The following CALN1 variants were observed in gnomAD, a reference collection of about 807,000 sequenced individuals.
The protein encoded by CALN1 is calcium-binding protein 8.
In CALN1, 17 loss-of-function variants were observed where a neutral mutation model predicts 30.6. The observed-to-expected ratio is 0.56, with a 90% CI of 0.38 to 0.83. CALN1 has a LOEUF of 0.83. Among genes scored for constraint, CALN1 ranks in the 40% least tolerant of loss-of-function variants. CALN1 has a pLI of 0.00. For missense variants in CALN1, 291 were observed against 354.9 expected (o/e 0.82, Z 1.45); for synonymous variants, 156 against 131.4 (o/e 1.19, Z -1.28).
intron 3 of CALN1, among the ~76,000 whole-genome samples, chr7:72,178,667 C>T (rs1040460001): frequency 4.7e-5 from 7 of 148,678 alleles, no homozygotes; most frequent in South Asian, 2.1e-4. Flanking sequence ...CCAGCCCAGA[C>T]GACAGAGAGA....
intron 5 of CALN1, among the ~76,000 whole-genome samples, chr7:71,915,728 G>A (rs951605770): frequency 3.4e-5 from 5 of 147,274 alleles, no homozygotes; most frequent in African/African-American, 5.1e-5. Flanking sequence ...GCGAGACTCC[G>A]TCTCAAAACA....
At chr7:72,467,881 C>A in the CALN1 span, among the ~76,000 whole-genome samples, 1 of 152,140 alleles carries the variant, frequency 6.6e-6, no homozygotes, top group Non-Finnish European at 1.5e-5. Flanking sequence ...CTTCCCGTTC[C>A]CCTCTACCCC....
Position 72,403,401 on chromosome 7 carries a change from T to A in CALN1, c.-32A>T. On this transcript the variant is annotated 5_prime_UTR_variant, in exon 2 of 7. An upstream open reading frame in the 5' UTR loses its in-frame stop. Coordinates refer to ENST00000395275, the MANE Select transcript of CALN1 (RefSeq NM_031468.4). Reference sequence around the variant, plus strand: ...TCCAGGGCGATGTTCTCAGAGAGAGTTAGAAGCTCATCAAAGGAACGTCAG... The same window carrying A: ...TCCAGGGCGATGTTCTCAGAGAGAGATAGAAGCTCATCAAAGGAACGTCAG... The A allele has an allele frequency of 6.6e-7, 1 of 1,510,322 alleles. No homozygotes were observed. The highest frequency in any genetic ancestry group is 8.9e-7 in the Non-Finnish European group (1 of 1,122,536). The allele number at this position is 1,510,322 out of a possible 1,614,324, so 93.6% of individuals were successfully genotyped here.
the CALN1 span, among the ~76,000 whole-genome samples, chr7:72,501,604 G>C: frequency 6.6e-6 from 1 of 150,596 alleles, no homozygotes; most frequent in Non-Finnish European, 1.5e-5. Context: ...TAGGAGTTAT[G>C]AATTGAATGG....
intron 2 of CALN1, among the ~76,000 whole-genome samples, chr7:72,303,800 AG>A (rs2129555821): frequency 6.6e-6 from 1 of 152,162 alleles, no homozygotes; most frequent in South Asian, 2.1e-4. Context: ...CCTTGAGCCC[AG>A]GAGATCAAGG....
At chr7:72,008,121 A>G (rs1041806822) in intron 5 of CALN1, among the ~76,000 whole-genome samples, 1 of 152,228 alleles carries the variant, frequency 6.6e-6, no homozygotes, top group Non-Finnish European at 1.5e-5. Flanking sequence ...CAAGCAATCT[A>G]TTCAATTACC....
chr7:72,016,598 C>T (rs1800392741), intron 5 of CALN1, among the ~76,000 whole-genome samples: 1 of 151,750 alleles, frequency 6.6e-6, no homozygotes, highest in Non-Finnish European at 1.5e-5. Context: ...CACCATGCCT[C>T]GCTAATTTTT....
chr7:72,279,868 A>G (rs2129554136), intron 2 of CALN1, among the ~76,000 whole-genome samples: 1 of 152,364 alleles, frequency 6.6e-6, no homozygotes, highest in Non-Finnish European at 1.5e-5. Context: ...ACCTCTGAGC[A>G]GAATTAGGGC....
intron 5 of CALN1, among the ~76,000 whole-genome samples, chr7:72,021,778 T>C (rs1468212946): frequency 1.3e-5 from 2 of 152,296 alleles, no homozygotes; most frequent in Non-Finnish European, 2.9e-5. Flanking sequence ...TGAATCTCAA[T>C]CCGGTGTTCC....
At chr7:72,493,896 A>G in the CALN1 span, among the ~76,000 whole-genome samples, 41 of 152,214 alleles carry the variant, frequency 2.7e-4, no homozygotes, top group Non-Finnish European at 5.1e-4. Flanking sequence ...CTCATCATGT[A>G]TAAGTCTAGG....
At chr7:72,415,830 C>T (rs1037275313), upstream of CALN1, among the ~76,000 whole-genome samples, 14 of 152,270 alleles carry the variant, frequency 9.2e-5, no homozygotes, top group Admixed American at 3.9e-4. Context: ...ACGGTGACAC[C>T]GCCTGCAGGT....
In CALN1 at chr7:72,378,517, T is replaced by G. The variant is rs149122459; in HGVS notation, c.119+24734A>C. ...AATTTTAGAGTTCCCAATCTGCCAC[T>G]TTCACTGATGTCACTCTCTAGTTAA... On this transcript the variant is annotated intron_variant, in intron 2 of 6. Transcript: ENST00000395275. Among the ~76,000 whole-genome samples, 715 of 152,322 alleles carry G rather than the reference T, an allele frequency of 4.7e-3. 5 individuals carry two copies. Among genetic ancestry groups the G allele is most frequent in the African/African-American group, 0.017 (688 of 41,570 alleles).
At chr7:72,338,213 T>C (rs1001770774) in intron 2 of CALN1, among the ~76,000 whole-genome samples, 3 of 152,114 alleles carry the variant, frequency 2.0e-5, no homozygotes, top group East Asian at 1.9e-4. Flanking sequence ...CAAAGCAGGC[T>C]AGTCCTTCCT....
At chr7:71,986,850 A>G (rs910329325) in intron 5 of CALN1, among the ~76,000 whole-genome samples, 10 of 152,200 alleles carry the variant, frequency 6.6e-5, no homozygotes, top group Non-Finnish European at 1.2e-4. Context: ...TTGTGGGGCC[A>G]GGCACGATGG....
intron 6 of CALN1, among the ~76,000 whole-genome samples, chr7:71,795,814 CTTT>C (rs55667543): frequency 7.1e-5 from 7 of 98,544 alleles, no homozygotes; most frequent in African/African-American, 2.2e-4. Flanking sequence ...GTACTTCATT[CTTT>C]TTTTTTTTTT....
intron 5 of CALN1, among the ~76,000 whole-genome samples, chr7:71,962,844 C>A (rs140829825): frequency 1.2e-4 from 18 of 152,206 alleles, no homozygotes; most frequent in African/African-American, 4.3e-4. Flanking sequence ...AAAAGACAAT[C>A]CCTGGTGAGA....
chr7:72,248,876 T>TAATC (rs1246508340), intron 3 of CALN1, among the ~76,000 whole-genome samples: 1 of 152,150 alleles, frequency 6.6e-6, no homozygotes, highest in Non-Finnish European at 1.5e-5. Context: ...GGATAGTCTA[T>TAATC]AATCGATCAT....
At chr7:72,157,871 G>A (rs931484016) in intron 3 of CALN1, among the ~76,000 whole-genome samples, 3 of 152,160 alleles carry the variant, frequency 2.0e-5, no homozygotes, top group Non-Finnish European at 4.4e-5. Context: ...AGCCTCCAGA[G>A]TAGCTGGGAT....
chr7:72,310,294 G>A (rs1244631514), intron 2 of CALN1, among the ~76,000 whole-genome samples: 7 of 151,052 alleles, frequency 4.6e-5, no homozygotes, highest in African/African-American at 1.5e-4. Context: ...ACCTCATTGA[G>A]CCATTGTGAG....
Sources: gnomAD v4.1 joint callset for allele counts (sites outside exome capture counted in the v4.1 genomes callset) on GRCh38, gnomAD v4.1.1 for gene constraint, MANE v1.5 for transcripts, NCBI Gene and HGNC (gene_info 2026-07-23, HGNC 2026-07-21) for gene names.